Variants in PPP2R2C observed in about 807,000 individuals in gnomAD.
The protein encoded by PPP2R2C is protein phosphatase 2 regulatory subunit Bgamma, also known as protein phosphatase 2, regulatory subunit B, gamma.
A neutral mutation model predicts 45.3 loss-of-function variants in PPP2R2C; 10 were observed. The observed-to-expected ratio is 0.22, with a 90% CI of 0.14 to 0.37. PPP2R2C has a LOEUF of 0.37. Among genes scored for constraint, PPP2R2C ranks in the 10% least tolerant of loss-of-function variants. The pLI, the probability that PPP2R2C is intolerant of heterozygous loss-of-function variation, is 1.00. For synonymous variants in PPP2R2C, 257 were observed against 245.4 expected (o/e 1.05, Z -0.44); for missense variants, 308 against 619.7 (o/e 0.50, Z 5.34).
At position 6,333,421 on chromosome 4, in the gene PPP2R2C, G is replaced by C. The variant is rs1577072430; in HGVS notation, c.960+141C>G. On this transcript the variant is annotated intron_variant, in intron 7 of 8. Coordinates refer to ENST00000382599, the MANE Select transcript of PPP2R2C (RefSeq NM_020416.4). Reference sequence around the variant, plus strand: ...GCCAAGCTACGTGTGGGGATGAGTTGCTGGATTTCTTCAGCCTCCGTGTCT... The same window carrying C: ...GCCAAGCTACGTGTGGGGATGAGTTCCTGGATTTCTTCAGCCTCCGTGTCT... 4 of 962,760 alleles carry C rather than the reference G, an allele frequency of 4.2e-6. No homozygotes were observed. The East Asian group carries it at 1.1e-4, about 25-fold the overall frequency. The allele number at this position is 962,760 out of a possible 1,614,324, so 59.6% of individuals were successfully genotyped here.
chr4:6,463,711 G>A (rs13129773), intron 1 of PPP2R2C, among the ~76,000 whole-genome samples: 14,716 of 152,272 alleles, frequency 0.097, 832 homozygotes, highest in Non-Finnish European at 0.13. Flanking sequence ...CCCAGAATGC[G>A]CTAGAATACC....
chr4:6,388,046 C>G (rs138188577), intron 1 of PPP2R2C, among the ~76,000 whole-genome samples: 314 of 152,306 alleles, frequency 2.1e-3, no homozygotes, highest in African/African-American at 7.2e-3. Context: ...GCTGCAGCCT[C>G]GAGCTCAGGG....
At chr4:6,380,895 A>T (rs1182077660) in intron 2 of PPP2R2C, 102 bp downstream of exon 2, 1 of 1,423,818 alleles carries the variant, frequency 7.0e-7, no homozygotes, top group Non-Finnish European at 9.2e-7. Context: ...TCACCGCATC[A>T]CCCCTTATCC....
intron 2 of PPP2R2C, among the ~76,000 whole-genome samples, chr4:6,533,026 CAGGGG>C (rs1245032765): frequency 6.6e-6 from 1 of 152,182 alleles, no homozygotes; most frequent in East Asian, 1.9e-4. Context: ...TGCATGGAGG[CAGGGG>C]TAAGCAGGGG....
intron 1 of PPP2R2C, among the ~76,000 whole-genome samples, chr4:6,422,008 G>A (rs956752071): frequency 2.6e-5 from 4 of 151,894 alleles, no homozygotes; most frequent in South Asian, 2.1e-4. Flanking sequence ...TGCAAAAACC[G>A]AATCATGCCC....
At position 6,409,052 on chromosome 4, in the gene PPP2R2C, G is replaced by A. The variant is rs376028783; in HGVS notation, c.71-27958C>T. On this transcript the variant is annotated intron_variant, in intron 1 of 8. Coordinates refer to ENST00000382599, the MANE Select transcript of PPP2R2C (RefSeq NM_020416.4). The stretch of plus-strand genomic sequence containing the variant: ...GTGAAAGCACATATAAAAGGACCAT[G>A]CTGGAATTAAAATTTTAAAAATCCA... Among the ~76,000 whole-genome samples the A allele has an allele frequency of 8.4e-4, 128 of 152,212 alleles. 3 individuals carry two copies. The South Asian group carries it at 0.026, about 31-fold the overall frequency.
chr4:6,537,096 G>A (rs919412471), intron 1 of PPP2R2C, among the ~76,000 whole-genome samples: 6 of 152,068 alleles, frequency 3.9e-5, no homozygotes, highest in African/African-American at 1.2e-4. Flanking sequence ...CCAGCTACTC[G>A]GGAGGCTGAG....
chr4:6,507,862 T>A (rs1049606082), intron 2 of PPP2R2C, among the ~76,000 whole-genome samples: 4 of 152,282 alleles, frequency 2.6e-5, no homozygotes, highest in African/African-American at 9.6e-5. Context: ...CCTTAGAATT[T>A]AATTTCCTCA....
In PPP2R2C at chr4:6,372,016, A is replaced by G. The variant is rs559879078; in HGVS notation, c.625+507T>C. Among the ~76,000 whole-genome samples, 563 of 152,276 alleles carry G rather than the reference A, an allele frequency of 3.7e-3. 2 individuals are homozygous for G. Among genetic ancestry groups the G allele is most frequent in the Non-Finnish European group, 6.8e-3 (462 of 68,012 alleles). ...TGCTTCCCCTAGCTTGCCCTGACAC[A>G]GGAGAACACCGAGCAGGGGGCCCTC... On this transcript the variant is annotated intron_variant, in intron 5 of 8. Transcript: ENST00000382599.
chr4:6,393,955 C>G (rs1716838145), intron 1 of PPP2R2C, among the ~76,000 whole-genome samples: 1 of 152,218 alleles, frequency 6.6e-6, no homozygotes, highest in South Asian at 2.1e-4. Context: ...ACCAGGCAGC[C>G]TGAGGCCAGC....
intron 1 of PPP2R2C, among the ~76,000 whole-genome samples, chr4:6,542,035 C>G (rs372197156): frequency 7.2e-5 from 11 of 152,224 alleles, no homozygotes; most frequent in East Asian, 3.8e-4. Context: ...TATCCAGGAG[C>G]TAAGTCAAAT....
chr4:6,454,232 A>G (rs1720892992), intron 1 of PPP2R2C, among the ~76,000 whole-genome samples: 1 of 152,106 alleles, frequency 6.6e-6, no homozygotes, highest in Admixed American at 6.5e-5. Flanking sequence ...GGGCCAGAGC[A>G]CAGTCTCCTA....
chr4:6,379,881 C>T (rs1351124482), intron 2 of PPP2R2C, among the ~76,000 whole-genome samples: 5 of 152,104 alleles, frequency 3.3e-5, no homozygotes, highest in Non-Finnish European at 5.9e-5. Context: ...ATCCTCAGTT[C>T]GTGGGCCATG....
intron 1 of PPP2R2C, among the ~76,000 whole-genome samples, chr4:6,408,045 C>T (rs1189526573): frequency 6.6e-6 from 1 of 152,084 alleles, no homozygotes; most frequent in Non-Finnish European, 1.5e-5. Flanking sequence ...ATTAATTTCA[C>T]CTGTTTCTTT....
intron 1 of PPP2R2C, among the ~76,000 whole-genome samples, chr4:6,423,169 C>T (rs1266174181): frequency 6.6e-6 from 1 of 152,180 alleles, no homozygotes; most frequent in Non-Finnish European, 1.5e-5. Flanking sequence ...CTCTGTGCTA[C>T]CCACTGGAGA....
At chr4:6,412,835 G>A (rs1350538171) in intron 1 of PPP2R2C, among the ~76,000 whole-genome samples, 1 of 152,160 alleles carries the variant, frequency 6.6e-6, no homozygotes, top group African/African-American at 2.4e-5. Flanking sequence ...GCCCTTAGAA[G>A]AAGGGCCTAC....
intron 5 of PPP2R2C, among the ~76,000 whole-genome samples, chr4:6,354,527 G>A (rs1045114398): frequency 2.0e-5 from 3 of 152,080 alleles, no homozygotes; most frequent in Non-Finnish European, 2.9e-5. Context: ...CCCAGAGCTG[G>A]TGCCTGGGAC....
intron 3 of PPP2R2C, among the ~76,000 whole-genome samples, chr4:6,377,584 G>A (rs539511445): frequency 2.0e-5 from 3 of 152,284 alleles, no homozygotes; most frequent in East Asian, 1.9e-4. Flanking sequence ...GCTTGAACCC[G>A]GGAGGCGGAG....
At position 6,321,593 on chromosome 4, in the gene PPP2R2C, C is replaced by T. The variant is rs924911291; in HGVS notation, c.*1709G>A. The T allele has an allele frequency of 6.6e-6, 1 of 152,382 alleles. No homozygotes were observed. The highest frequency in any genetic ancestry group is 1.5e-5 in the Non-Finnish European group (1 of 68,050). The allele number at this position is 152,382 out of a possible 1,614,324, so 9.4% of individuals were successfully genotyped here. A position where few individuals can be genotyped will look rare whatever the true frequency, so the allele number is the denominator to read the frequency against. On this transcript the variant is annotated 3_prime_UTR_variant, in exon 9 of 9. Coordinates refer to ENST00000382599, the MANE Select transcript of PPP2R2C (RefSeq NM_020416.4). The stretch of plus-strand genomic sequence containing the variant: ...TACACACACAAAAGTATACTGTAAT[C>T]CACTGAGAATAACCTCAGCTGGGTC...
Sources: allele counts gnomAD v4.1 joint callset (sites outside exome capture counted in the v4.1 genomes callset), GRCh38; gene constraint gnomAD v4.1.1; transcripts MANE v1.5; gene names NCBI Gene and HGNC (gene_info 2026-07-23, HGNC 2026-07-21).